The following UBAP2 variants were observed in gnomAD, a reference collection of about 807,000 sequenced individuals.
UBAP2 encodes ubiquitin associated protein 2.
In UBAP2, 75 loss-of-function variants were observed where a neutral mutation model predicts 139.6. That is an observed-to-expected ratio of 0.54 (90% CI 0.45 to 0.65). The LOEUF (loss-of-function observed/expected upper bound fraction) is 0.65. UBAP2 is among the 30% of genes least tolerant of loss of function. UBAP2 has a pLI of 0.00. For missense variants in UBAP2, 1,368 were observed against 1,369.6 expected (o/e 1.00, Z 0.02); for synonymous variants, 526 against 526.2 (o/e 1.00, Z 0.01).
At chr9:34,047,233 A>G (rs1423036602) in intron 1 of UBAP2, among the ~76,000 whole-genome samples, 1 of 152,224 alleles carries the variant, frequency 6.6e-6, no homozygotes. Flanking sequence ...ACACGTATCA[A>G]CTAGCCATAA....
At chr9:33,954,269 T>TATACACACACACACAC (rs370755129) in intron 11 of UBAP2, among the ~76,000 whole-genome samples, 106 of 139,914 alleles carry the variant, frequency 7.6e-4, no homozygotes, top group Admixed American at 1.0e-3. Context: ...TGTGTGTATA[T>TATACACACACACACAC]ACACACACAC....
intron 4 of UBAP2, among the ~76,000 whole-genome samples, chr9:33,993,692 C>G (rs889214820): frequency 5.9e-5 from 9 of 152,178 alleles, no homozygotes; most frequent in Admixed American, 2.0e-4. Context: ...CACCAAACAA[C>G]TAAAACAAAG....
chr9:33,981,964 CT>C (rs1216925984), intron 6 of UBAP2, among the ~76,000 whole-genome samples: 1 of 152,106 alleles, frequency 6.6e-6, no homozygotes, highest in Admixed American at 6.6e-5. Context: ...AAACTTCTCT[CT>C]GCTTTTCTCT....
Position 33,941,743 on chromosome 9 carries a change from G to A in UBAP2, c.1835C>T (p.Ala612Val). Residue 612 changes from alanine to valine, a missense_variant, in exon 16 of 29, where the codon GCA becomes GTA. Physicochemically the swap from Ala to Val is moderately conservative, Grantham distance 64 (BLOSUM62 0). Transcript: ENST00000379238. ...SSSLNSASPV[A>V]MSSSYDQSSV... is the part of the protein sequence containing the mutation. Reference sequence around the variant, plus strand: ...ACTCTGGTCATAAGAGGAAGACATTGCTACTGGACTAGCAGAATTCAGTGA... The same window carrying A: ...ACTCTGGTCATAAGAGGAAGACATTACTACTGGACTAGCAGAATTCAGTGA... 1 of 1,614,152 alleles carries A rather than the reference G, an allele frequency of 6.2e-7. No individual in the cohort carries two copies. The highest frequency in any genetic ancestry group is 1.1e-5 in the South Asian group (1 of 91,086).
At chr9:33,973,096 C>T in intron 7 of UBAP2, 87 bp downstream of exon 7, 1 of 1,155,756 alleles carries the variant, frequency 8.7e-7, no homozygotes, top group Non-Finnish European at 1.3e-6. Flanking sequence ...ACCATGATGA[C>T]TAAATTAGAT....
intron 6 of UBAP2, among the ~76,000 whole-genome samples, chr9:33,979,775 G>A (rs2781278): frequency 0.19 from 29,054 of 151,758 alleles, 2,861 homozygotes; most frequent in South Asian, 0.35. Flanking sequence ...GGCTGAGGCA[G>A]GAGAATTGCT....
intron 10 of UBAP2, among the ~76,000 whole-genome samples, chr9:33,956,764 T>C (rs1445770982): frequency 6.6e-6 from 1 of 152,032 alleles, no homozygotes; most frequent in Non-Finnish European, 1.5e-5. Flanking sequence ...CTATTTGTCA[T>C]TACACAAAAT....
chr9:33,944,937 T>C (rs1007253904), intron 13 of UBAP2, among the ~76,000 whole-genome samples: 3 of 152,136 alleles, frequency 2.0e-5, no homozygotes, highest in Admixed American at 6.6e-5. Flanking sequence ...CAGAGAATCA[T>C]ACTTTTATTA....
At position 33,927,040 on chromosome 9, in the gene UBAP2, C is replaced by G; in HGVS notation, c.2412G>C (p.Leu804=). ...GACCTACGAGGTACTGGTTGTGCAGCAGGGGAGGCACCCCCTGAGGTAAGT... is the reference window on the plus strand; with the variant it reads ...GACCTACGAGGTACTGGTTGTGCAGGAGGGGAGGCACCCCCTGAGGTAAGT... ...PPNLPQGVPP[L]LHNQYLVGPG... Residue 804 remains leucine (L), a synonymous_variant, in exon 21 of 29, where the codon CTG becomes CTC. Coordinates refer to ENST00000379238, the MANE Select transcript of UBAP2 (RefSeq NM_001370062.2). 4 of 1,613,842 alleles carry G rather than the reference C, an allele frequency of 2.5e-6. No homozygotes were observed. Among genetic ancestry groups the G allele is most frequent in the African/African-American group, 1.3e-5 (1 of 75,038 alleles).
chr9:33,992,344 A>T (rs1387313888), intron 4 of UBAP2, among the ~76,000 whole-genome samples: 1 of 138,300 alleles, frequency 7.2e-6, no homozygotes, highest in Non-Finnish European at 1.5e-5. Context: ...AGCCGAGATC[A>T]CGCCATTACT....
intron 7 of UBAP2, 152 bp from the exon 8 acceptor site, chr9:33,971,906 C>G: frequency 1.8e-6 from 1 of 566,350 alleles, no homozygotes; most frequent in Non-Finnish European, 3.2e-6. Flanking sequence ...TTAAATATAA[C>G]TAATTCTGCC....
chr9:34,047,110 T>C (rs1827673312), intron 1 of UBAP2, among the ~76,000 whole-genome samples: 1 of 152,126 alleles, frequency 6.6e-6, no homozygotes, highest in Non-Finnish European at 1.5e-5. Flanking sequence ...CTTTCGGGCA[T>C]ATTTCAATCA....
intron 1 of UBAP2, among the ~76,000 whole-genome samples, chr9:34,037,091 C>T (rs369474637): frequency 6.7e-6 from 1 of 149,278 alleles, no homozygotes; most frequent in South Asian, 2.1e-4. Flanking sequence ...TGGGATCAAG[C>T]GATTCTCCTG....
Position 33,922,607 on chromosome 9 carries a change from AGAG to A in UBAP2, c.3265-11_3265-9del, listed in dbSNP as rs754577964. 1.8e-4 allele frequency: 290 copies of A among 1,612,378 alleles called. No individual in the cohort carries two copies. Among genetic ancestry groups the A allele is most frequent in the Middle Eastern group, 8.3e-4 (5 of 6,052 alleles). On this transcript the variant is annotated splice_polypyrimidine_tract_variant and intron_variant, in intron 28 of 28. Transcript: ENST00000379238. ...GCGCTGACCCGAGCCACTCTGAGGAAGAGGAGAAGGGAAGGCTGTCAAGGCTGG... is the reference window on the plus strand; with the variant it reads ...GCGCTGACCCGAGCCACTCTGAGGAAGAGAAGGGAAGGCTGTCAAGGCTGG...
At position 34,045,564 on chromosome 9, in the gene UBAP2, G is replaced by A. The variant is rs1049356202; in HGVS notation, c.-42+3261C>T. Among the ~76,000 whole-genome samples, 98 of 151,890 alleles carry A rather than the reference G, an allele frequency of 6.5e-4. 1 individual carries two copies. The highest frequency in any genetic ancestry group is 2.1e-3 in the African/African-American group (89 of 41,440). ...CATTTTTGTATTTTTAGTAGAGACG[G>A]GGTTTCACCATGTTGGTTAGGTTAG... On this transcript the variant is annotated intron_variant, in intron 1 of 28. Transcript: ENST00000379238.
At chr9:34,043,594 A>C (rs1827284478) in intron 1 of UBAP2, among the ~76,000 whole-genome samples, 1 of 151,764 alleles carries the variant, frequency 6.6e-6, no homozygotes, top group South Asian at 2.1e-4. Flanking sequence ...TGTGGCCTCA[A>C]GCAATCCTCC....
At chr9:33,975,266 T>C (rs1396222759) in intron 6 of UBAP2, among the ~76,000 whole-genome samples, 7 of 148,046 alleles carry the variant, frequency 4.7e-5, no homozygotes, top group Non-Finnish European at 1.0e-4. Flanking sequence ...CCCGTCTTTA[T>C]TAAAAAAATG....
At chr9:34,018,723 C>T (rs921567355) in intron 1 of UBAP2, among the ~76,000 whole-genome samples, 4 of 151,966 alleles carry the variant, frequency 2.6e-5, no homozygotes, top group Non-Finnish European at 4.4e-5. Context: ...ATTAGCCAGG[C>T]GTAGTGGCGG....
chr9:33,981,142 GATATATATATATATATTCTGGAT>G (rs1820688658), intron 6 of UBAP2, among the ~76,000 whole-genome samples: 24 of 972 alleles, frequency 0.025, 5 homozygotes, highest in South Asian at 0.065. Context: ...ATATATTCTG[GATATATATATATATATTCTGGAT>G]ATATATATAT....
Sources: gnomAD v4.1 joint callset for allele counts (sites outside exome capture counted in the v4.1 genomes callset) on GRCh38, gnomAD v4.1.1 for gene constraint, MANE v1.5 for transcripts, NCBI Gene and HGNC (gene_info 2026-07-23, HGNC 2026-07-21) for gene names.